The following RAD54B variants were observed in gnomAD, a reference collection of about 807,000 sequenced individuals.
RAD54B encodes DNA repair and recombination protein RAD54B.
RAD54B carries 78 observed loss-of-function variants against 95.8 expected under a neutral mutation model. The ratio of observed to expected loss-of-function variants is 0.81; its 90% CI spans 0.68 to 0.98. The LOEUF is 0.98. Among genes scored for constraint, RAD54B ranks in the 50% least tolerant of loss-of-function variants. RAD54B has a pLI of 0.00. For missense variants in RAD54B, 957 were observed against 1,056.6 expected, an observed-to-expected ratio of 0.91 and a Z score of 1.31; for synonymous variants, 328 against 354.9, an observed-to-expected ratio of 0.92 and a Z score of 0.85.
intron 14 of RAD54B, chr8:94,372,879 T>C (rs974211536): frequency 6.6e-6 from 1 of 152,264 alleles, no homozygotes; most frequent in Admixed American, 6.5e-5. Flanking sequence ...CCACAAATAA[T>C]TTTGTCACAA....
rs753978950 is a variant in RAD54B at position 94,372,183 on chromosome 8, G to C, written c.2720C>G (p.Ala907Gly). The stretch of plus-strand genomic sequence containing the variant: ...AGTAATCTTTCACTATGTGCCAGTA[G>C]CTTGAGTGGTTATATTCTGAAAAAT... ...SFIFQNITTQ[A>G]TGT is the part of the protein sequence containing the mutation. Residue 907 changes from alanine (A) to glycine (G), a missense_variant, in exon 15 of 15, where the codon GCT becomes GGT. Physicochemically the swap from Ala to Gly is moderately conservative, Grantham distance 60. Coordinates refer to ENST00000336148, the MANE Select transcript of RAD54B (RefSeq NM_012415.3). The C allele has an allele frequency of 1.1e-5, 18 of 1,606,044 alleles. No homozygotes were observed. Among genetic ancestry groups the C allele is most frequent in the Non-Finnish European group, 1.5e-5 (18 of 1,177,876 alleles).
intron 3 of RAD54B, among the ~76,000 whole-genome samples, chr8:94,451,975 T>C (rs576152371): frequency 1.4e-3 from 211 of 152,274 alleles, no homozygotes; most frequent in African/African-American, 4.9e-3. Context: ...TTATAAACAA[T>C]AGAAATGTAT....
intron 2 of RAD54B, among the ~76,000 whole-genome samples, chr8:94,461,160 CTTTTTTTTTTTTTT>C (rs57563259): frequency 6.7e-5 from 4 of 59,974 alleles, no homozygotes; most frequent in African/African-American, 3.1e-4. Flanking sequence ...AAATACTCAT[CTTTTTTTTTTTTTT>C]TTTTTTTTTT....
chr8:94,466,703 A>G (rs12334578), intron 2 of RAD54B, among the ~76,000 whole-genome samples: 8,028 of 152,178 alleles, frequency 0.053, 252 homozygotes, highest in African/African-American at 0.081. Context: ...CACTGCACCC[A>G]GCCAGTATTC....
chr8:94,417,493 A>G lies in RAD54B; in HGVS notation c.305-6178T>C, dbSNP rs573778508. Among the ~76,000 whole-genome samples, 570 of 152,122 alleles carry G rather than the reference A, an allele frequency of 3.7e-3. 2 individuals carry two copies. Among genetic ancestry groups the G allele is most frequent in the Non-Finnish European group, 5.7e-3 (389 of 67,966 alleles). On this transcript the variant is annotated intron_variant, in intron 3 of 14. Coordinates refer to ENST00000336148, the MANE Select transcript of RAD54B (RefSeq NM_012415.3). Reference sequence around the variant, plus strand: ...ACTGACTAAAATTAAAAAAAAAAAAAAACTGACCACAGTAAGTGCTAATAA... The same window carrying G: ...ACTGACTAAAATTAAAAAAAAAAAAGAACTGACCACAGTAAGTGCTAATAA...
At chr8:94,441,197 G>A (rs1344737806) in intron 3 of RAD54B, among the ~76,000 whole-genome samples, 1 of 152,164 alleles carries the variant, frequency 6.6e-6, no homozygotes, top group Non-Finnish European at 1.5e-5. Flanking sequence ...AACAGAAATT[G>A]TGCACTCAGG....
At chr8:94,397,506 A>T (rs903313782) in intron 8 of RAD54B, among the ~76,000 whole-genome samples, 2 of 152,128 alleles carry the variant, frequency 1.3e-5, no homozygotes, top group African/African-American at 4.8e-5. Context: ...AAACAATCTC[A>T]CTGGTTGCTA....
At chr8:94,400,547 T>C (rs1811245863) in intron 6 of RAD54B, 84 bp from the exon 7 acceptor site, 11 of 1,144,510 alleles carry the variant, frequency 9.6e-6, no homozygotes, top group Non-Finnish European at 1.3e-5. Context: ...GAAACTGATA[T>C]TTTGTAATGA....
At chr8:94,465,247 A>G (rs1228078461) in intron 2 of RAD54B, among the ~76,000 whole-genome samples, 1 of 152,224 alleles carries the variant, frequency 6.6e-6, no homozygotes, top group Non-Finnish European at 1.5e-5. Flanking sequence ...CTACTTGGGA[A>G]AGAAATATAG....
At chr8:94,456,720 A>C (rs1168858201) in intron 3 of RAD54B, among the ~76,000 whole-genome samples, 1 of 152,240 alleles carries the variant, frequency 6.6e-6, no homozygotes, top group Non-Finnish European at 1.5e-5. Context: ...GATTAGATCA[A>C]GAATGAAAAA....
chr8:94,444,752 G>A (rs995326433), intron 3 of RAD54B, among the ~76,000 whole-genome samples: 1 of 143,858 alleles, frequency 7.0e-6, no homozygotes, highest in African/African-American at 2.6e-5. Context: ...CTGACTATAG[G>A]CCCCTGACCT....
chr8:94,472,704 T>C (rs564919942), intron 1 of RAD54B, among the ~76,000 whole-genome samples: 2 of 152,326 alleles, frequency 1.3e-5, no homozygotes, highest in Admixed American at 1.3e-4. Flanking sequence ...GTTCAGATTC[T>C]GCTATTTCAG....
intron 6 of RAD54B, among the ~76,000 whole-genome samples, chr8:94,402,276 C>T (rs975242185): frequency 2.0e-5 from 3 of 148,528 alleles, no homozygotes; most frequent in Non-Finnish European, 4.4e-5. Flanking sequence ...CCTCTCCAGA[C>T]GGAGTCTTGC....
intron 2 of RAD54B, 87 bp downstream of exon 2, chr8:94,467,318 A>T: frequency 8.4e-7 from 1 of 1,196,868 alleles, no homozygotes; most frequent in Non-Finnish European, 1.1e-6. Flanking sequence ...CTACAGGCAG[A>T]AAATACTGTT....
intron 3 of RAD54B, among the ~76,000 whole-genome samples, chr8:94,424,639 A>C (rs1407368792): frequency 6.6e-6 from 1 of 152,082 alleles, no homozygotes; most frequent in Non-Finnish European, 1.5e-5. Context: ...ACCCCTAACA[A>C]TCCCAGTCTA....
At chr8:94,451,448 G>C (rs1388790995) in intron 3 of RAD54B, among the ~76,000 whole-genome samples, 1 of 152,046 alleles carries the variant, frequency 6.6e-6, no homozygotes, top group Admixed American at 6.6e-5. Context: ...AAATATAGAT[G>C]GAATGAGAAA....
intron 5 of RAD54B, among the ~76,000 whole-genome samples, chr8:94,406,339 T>C (rs1215522757): frequency 6.6e-6 from 1 of 152,102 alleles, no homozygotes; most frequent in Non-Finnish European, 1.5e-5. Flanking sequence ...CAGCCCTGTA[T>C]TGTGTAATAG....
chr8:94,421,040 TTTCCAC>T (rs147318606), intron 3 of RAD54B, among the ~76,000 whole-genome samples: 5,025 of 151,608 alleles, frequency 0.033, 105 homozygotes, highest in Non-Finnish European at 0.049. Flanking sequence ...TACCCCATTG[TTTCCAC>T]TTCAAGTATC....
At chr8:94,384,129 A>G (rs1297781126) in intron 11 of RAD54B, among the ~76,000 whole-genome samples, 1 of 152,122 alleles carries the variant, frequency 6.6e-6, no homozygotes, top group Non-Finnish European at 1.5e-5. Flanking sequence ...CTTAGAATAT[A>G]ATAAAAATAT....
Sources: allele counts gnomAD v4.1 joint callset (sites outside exome capture counted in the v4.1 genomes callset), GRCh38; gene constraint gnomAD v4.1.1; transcripts MANE v1.5; gene names NCBI Gene and HGNC (gene_info 2026-07-23, HGNC 2026-07-21).